Variants in FHOD3 observed in about 807,000 individuals in gnomAD.
The protein encoded by FHOD3 is formin homology 2 domain containing 3, also known as FH1/FH2 domain-containing protein 3.
A neutral mutation model predicts 173.0 loss-of-function variants in FHOD3; 90 were observed. The ratio of observed to expected loss-of-function variants is 0.52; its 90% CI spans 0.44 to 0.62. FHOD3 has a LOEUF of 0.62. Among genes scored for constraint, FHOD3 ranks in the 20% least tolerant of loss-of-function variants. FHOD3 has a pLI of 0.00. For missense variants in FHOD3, 1,945 were observed against 2,034.7 expected (o/e 0.96, Z 0.85); for synonymous variants, 828 against 823.0 (o/e 1.01, Z -0.10).
At chr18:36,384,681 A>G (rs1280439594) in intron 3 of FHOD3, among the ~76,000 whole-genome samples, 1 of 152,250 alleles carries the variant, frequency 6.6e-6, no homozygotes, top group Non-Finnish European at 1.5e-5. Flanking sequence ...TGGGCAGAAT[A>G]AGCCAATATG....
At chr18:36,692,109 G>T (rs1257222127) in intron 16 of FHOD3, among the ~76,000 whole-genome samples, 4 of 152,242 alleles carry the variant, frequency 2.6e-5, no homozygotes, top group Admixed American at 6.5e-5. Flanking sequence ...CTTTGGGCTG[G>T]CAGGGAAAAG....
At chr18:36,680,795 A>G (rs1486880386) in intron 14 of FHOD3, among the ~76,000 whole-genome samples, 1 of 152,216 alleles carries the variant, frequency 6.6e-6, no homozygotes, top group East Asian at 1.9e-4. Flanking sequence ...GCCCATTGCA[A>G]GTTTTTTTGT....
intron 1 of FHOD3, among the ~76,000 whole-genome samples, chr18:36,302,416 G>A (rs2091978442): frequency 6.6e-6 from 1 of 152,120 alleles, no homozygotes; most frequent in Non-Finnish European, 1.5e-5. Context: ...TGCTGAATCA[G>A]AACACATGCT....
intron 3 of FHOD3, among the ~76,000 whole-genome samples, chr18:36,399,769 A>C (rs2048718042): frequency 6.6e-6 from 1 of 152,172 alleles, no homozygotes; most frequent in Non-Finnish European, 1.5e-5. Context: ...TATTGCTGGG[A>C]ATCCAGGATC....
intron 3 of FHOD3, among the ~76,000 whole-genome samples, chr18:36,419,057 C>T (rs762347971): frequency 6.6e-6 from 1 of 152,026 alleles, no homozygotes; most frequent in Non-Finnish European, 1.5e-5. Flanking sequence ...CTAAAAAGAA[C>T]TTACAAGGTT....
chr18:36,762,970 C>T (rs866929905), intron 27 of FHOD3, among the ~76,000 whole-genome samples: 23 of 110,406 alleles, frequency 2.1e-4, no homozygotes, highest in Middle Eastern at 5.7e-3. Flanking sequence ...GTTATATATG[C>T]GTATTATATA....
chr18:36,519,379 T>C (rs2056156125), intron 5 of FHOD3, among the ~76,000 whole-genome samples: 1 of 152,210 alleles, frequency 6.6e-6, no homozygotes, highest in Non-Finnish European at 1.5e-5. Context: ...CTGGTGTTTC[T>C]GGATGGATCT....
intron 3 of FHOD3, among the ~76,000 whole-genome samples, chr18:36,456,185 A>G (rs967659953): frequency 6.6e-6 from 1 of 152,142 alleles, no homozygotes; most frequent in African/African-American, 2.4e-5. Flanking sequence ...TGGTGCAATT[A>G]TAATTAACCA....
chr18:36,616,249 A>G lies in FHOD3; in HGVS notation c.957+4154A>G, dbSNP rs562167820. Among the ~76,000 whole-genome samples, 10 of 152,340 alleles carry G rather than the reference A, an allele frequency of 6.6e-5. No homozygotes were observed. In the East Asian group the frequency reaches 1.5e-3, roughly 23 times the overall value. On this transcript the variant is annotated intron_variant, in intron 9 of 28. Transcript: ENST00000590592. ...CACCACCACGATCGGAACTCCTTCC[A>G]TCTCTTAGATTCTGTTCAGCCAGGG...
chr18:36,731,940 A>T lies in FHOD3; in HGVS notation c.3576+1136A>T, dbSNP rs538734852. Among the ~76,000 whole-genome samples the T allele has an allele frequency of 5.3e-5, 8 of 152,310 alleles. No homozygotes were observed. The South Asian group carries it at 1.7e-3, about 32-fold the overall frequency. ...ACCCCCAAATTCATGCCCACCCAGG[A>T]TGTGACCTTATTTGGAAAAAGGGTC... On this transcript the variant is annotated intron_variant, in intron 20 of 28. Transcript: ENST00000590592.
intron 24 of FHOD3, among the ~76,000 whole-genome samples, chr18:36,754,523 TAATTA>T (rs2042541877): frequency 6.6e-6 from 1 of 152,188 alleles, no homozygotes; most frequent in African/African-American, 2.4e-5. Context: ...TGGTGTTTCC[TAATTA>T]AATTAATATT....
chr18:36,402,267 G>A (rs1343908942), intron 3 of FHOD3, among the ~76,000 whole-genome samples: 1 of 152,128 alleles, frequency 6.6e-6, no homozygotes, highest in Non-Finnish European at 1.5e-5. Flanking sequence ...TGGCAGCAAA[G>A]AGGCCTTCTT....
rs1214500738 is a variant in FHOD3 at position 36,652,686 on chromosome 18, C to T, written c.1403C>T (p.Thr468Ile). Residue 468 changes from threonine (T) to isoleucine (I), a missense_variant, in exon 12 of 29, where the codon ACT becomes ATT. This residue lies in a region of FHOD3 where 1,099 missense variants were observed against 1,051.2 expected (regional missense o/e 1.05). Transcript: ENST00000590592. ...CAGGGAAAGCCGCTTCTGGTTGGCA[C>T]TGCAGGCGGGACCACCTGGCACAGT... ...SSQGKPLLVG[T>I]AGGTTWHSGS... 2 of 1,535,818 alleles carry T rather than the reference C, an allele frequency of 1.3e-6. No homozygotes were observed. Among genetic ancestry groups the T allele is most frequent in the Admixed American group, 2.0e-5 (1 of 50,998 alleles).
At chr18:36,298,144 T>A in intron 1 of FHOD3, 144 bp downstream of exon 1, 1 of 702,298 alleles carries the variant, frequency 1.4e-6, no homozygotes, top group South Asian at 2.6e-5. Context: ...CAAATCCCCC[T>A]CCCCGTTAGA....
chr18:36,703,561 CT>C (rs2039703463), intron 17 of FHOD3, among the ~76,000 whole-genome samples: 1 of 152,178 alleles, frequency 6.6e-6, no homozygotes, highest in Admixed American at 6.5e-5. Flanking sequence ...GGTACAGCAT[CT>C]GGGTGTAGAA....
intron 14 of FHOD3, among the ~76,000 whole-genome samples, chr18:36,661,702 T>C (rs1568567730): frequency 6.6e-6 from 1 of 152,198 alleles, no homozygotes; most frequent in Non-Finnish European, 1.5e-5. Flanking sequence ...AGTATATTCA[T>C]GTGTTAGATG....
intron 1 of FHOD3, among the ~76,000 whole-genome samples, chr18:36,300,850 C>T (rs1248134145): frequency 6.6e-6 from 1 of 152,068 alleles, no homozygotes; most frequent in Non-Finnish European, 1.5e-5. Context: ...GGTGATCCCT[C>T]CCACCTCAGC....
intron 3 of FHOD3, among the ~76,000 whole-genome samples, chr18:36,450,290 C>T (rs950049242): frequency 5.9e-5 from 9 of 152,028 alleles, no homozygotes; most frequent in African/African-American, 1.9e-4. Flanking sequence ...GCAGAATTAA[C>T]GTGAGAGGGA....
intron 10 of FHOD3, among the ~76,000 whole-genome samples, chr18:36,646,640 G>A (rs548629543): frequency 6.6e-6 from 1 of 152,150 alleles, no homozygotes; most frequent in Admixed American, 6.5e-5. Context: ...ATCGATGTAG[G>A]GAAAAAAATG....
Sources: gnomAD v4.1 joint callset for allele counts (sites outside exome capture counted in the v4.1 genomes callset) on GRCh38, gnomAD v4.1.1 for gene constraint, gnomAD v4.1.1 regional missense constraint, MANE v1.5 for transcripts, NCBI Gene and HGNC (gene_info 2026-07-23, HGNC 2026-07-21) for gene names.